The following CPA3 variants were observed in gnomAD, a reference collection of about 807,000 sequenced individuals.
CPA3 encodes the protein mast cell carboxypeptidase A.
Under a neutral mutation model 55.8 loss-of-function variants are expected in CPA3, and 52 were observed. That is an observed-to-expected ratio of 0.93 (90% CI 0.75 to 1.17). CPA3 has a LOEUF of 1.17. CPA3 is among the 50% of genes most tolerant of loss of function. The pLI, the probability that CPA3 is intolerant of heterozygous loss-of-function variation, is 0.00. For missense variants in CPA3, 547 were observed against 509.1 expected (o/e 1.07, Z -0.72); for synonymous variants, 179 against 171.2 (o/e 1.05, Z -0.36).
chr3:148,896,834 C>T lies in CPA3; in HGVS notation c.*127C>T, dbSNP rs866685772. On this transcript the variant is annotated 3_prime_UTR_variant, in exon 11 of 11. Coordinates refer to ENST00000296046, the MANE Select transcript of CPA3 (RefSeq NM_001870.4). ...GAATCCTTCTCTTGCTCATTTAAGT[C>T]CCATGTTACTGCTGTTTGCTTTTAC... 3 of 766,282 alleles carry T rather than the reference C, an allele frequency of 3.9e-6. No homozygotes were observed. Among genetic ancestry groups the T allele is most frequent in the Non-Finnish European group, 5.9e-6 (3 of 509,616 alleles). The allele number at this position is 766,282 out of a possible 1,614,324, so 47.5% of individuals were successfully genotyped here. A position where few individuals can be genotyped will look rare whatever the true frequency, so the allele number is the denominator to read the frequency against.
chr3:148,890,921 C>G (rs955148188), intron 10 of CPA3, among the ~76,000 whole-genome samples: 2 of 152,154 alleles, frequency 1.3e-5, no homozygotes, highest in African/African-American at 4.8e-5. Flanking sequence ...GTTGAACATA[C>G]TCAGAATATG....
Position 148,878,657 on chromosome 3 carries a change from G to A in CPA3, c.383G>A (p.Trp128Ter). Residue 128 changes from tryptophan to a stop codon, truncating the protein, a stop_gained, in exon 5 of 11, where the codon TGG (tryptophan) becomes TAG (stop). Coordinates refer to ENST00000296046, the MANE Select transcript of CPA3 (RefSeq NM_001870.4). LOFTEE classifies it high-confidence loss of function. ...KYNNWEKIVA[W>*]TEKMMDKYPE... ...GATTTTGCTCTTAAGATTGTGGCTTGGACTGAAAAGATGATGGATAAGTAT... is the reference window on the plus strand; with the variant it reads ...GATTTTGCTCTTAAGATTGTGGCTTAGACTGAAAAGATGATGGATAAGTAT... 1 of 1,608,300 alleles carries A rather than the reference G, an allele frequency of 6.2e-7. No homozygotes were observed. The highest frequency in any genetic ancestry group is 8.5e-7 in the Non-Finnish European group (1 of 1,176,952).
Position 148,886,081 on chromosome 3 carries a change from C to T in CPA3, c.982-12C>T. On this transcript the variant is annotated splice_polypyrimidine_tract_variant and intron_variant, in intron 9 of 10. Transcript: ENST00000296046. ...ATCCTATTATTTCACTCTAACTTTC[C>T]TTTCTCTCCAGGCCAAAGTTGCAAA... 6.2e-7 allele frequency: 1 copy of T among 1,602,238 alleles called. No homozygotes were observed. The highest frequency in any genetic ancestry group is 8.5e-7 in the Non-Finnish European group (1 of 1,170,244).
intron 3 of CPA3, among the ~76,000 whole-genome samples, chr3:148,871,975 C>G (rs1714079205): frequency 6.6e-6 from 1 of 152,148 alleles, no homozygotes; most frequent in African/African-American, 2.4e-5. Context: ...ACCCAGGCAC[C>G]AGGCTGAATT....
chr3:148,876,502 G>A (rs766622627), intron 3 of CPA3, among the ~76,000 whole-genome samples: 22 of 151,638 alleles, frequency 1.5e-4, no homozygotes, highest in African/African-American at 4.8e-4. Flanking sequence ...TCAGTCACCC[G>A]AGTAGCTGAG....
chr3:148,867,977 C>G (rs977848539), intron 2 of CPA3, among the ~76,000 whole-genome samples: 1 of 152,170 alleles, frequency 6.6e-6, no homozygotes, highest in Non-Finnish European at 1.5e-5. Flanking sequence ...CTCACTGCAA[C>G]CTCCACCTCC....
chr3:148,884,712 G>A (rs3772577), intron 9 of CPA3, among the ~76,000 whole-genome samples: 84,958 of 151,920 alleles, frequency 0.56, 24,058 homozygotes, highest in Middle Eastern at 0.61. Flanking sequence ...CAACAAAGAA[G>A]ACATACCAGC....
At chr3:148,872,312 TA>T (rs1363860695) in intron 3 of CPA3, among the ~76,000 whole-genome samples, 1 of 152,226 alleles carries the variant, frequency 6.6e-6, no homozygotes, top group Non-Finnish European at 1.5e-5. Context: ...ACTCAGCAGT[TA>T]AAAATCCTAG....
At chr3:148,888,873 G>A (rs1035856541) in intron 10 of CPA3, among the ~76,000 whole-genome samples, 2 of 152,162 alleles carry the variant, frequency 1.3e-5, no homozygotes, top group Admixed American at 6.5e-5. Context: ...GCACTTTGGA[G>A]CTTTCAGAGA....
At chr3:148,884,000 A>G (rs984697361) in intron 9 of CPA3, among the ~76,000 whole-genome samples, 185 bp downstream of exon 9, 80 of 152,222 alleles carry the variant, frequency 5.3e-4, no homozygotes, top group African/African-American at 1.8e-3. Flanking sequence ...AAGTATATAG[A>G]TAATAAATTC....
At chr3:148,885,412 T>C (rs959725303) in intron 9 of CPA3, among the ~76,000 whole-genome samples, 7 of 143,638 alleles carry the variant, frequency 4.9e-5, no homozygotes, top group Non-Finnish European at 1.1e-4. Context: ...AAGTCTTTTT[T>C]TTTTTTTTTT....
rs1488598942 is a variant in CPA3 at position 148,896,476 on chromosome 3, T to C, written c.1067-44T>C. 9 of 1,435,108 alleles carry C rather than the reference T, an allele frequency of 6.3e-6. No individual in the cohort carries two copies. In the African/African-American group the frequency reaches 1.1e-4, roughly 18 times the overall value. The allele number at this position is 1,435,108 out of a possible 1,614,324, so 88.9% of individuals were successfully genotyped here. ...ACTGATTTCCACTTTAAAAAAACAT[T>C]AGCATTTGTCTCTAATTAAATATTT... On this transcript the variant is annotated intron_variant, in intron 10 of 10. Coordinates refer to ENST00000296046, the MANE Select transcript of CPA3 (RefSeq NM_001870.4).
intron 3 of CPA3, among the ~76,000 whole-genome samples, chr3:148,873,083 C>A (rs532627467): frequency 1.8e-4 from 26 of 144,754 alleles, no homozygotes; most frequent in Non-Finnish European, 3.7e-4. Flanking sequence ...CAGGGAATAA[C>A]TAGAGGCTAT....
intron 10 of CPA3, among the ~76,000 whole-genome samples, chr3:148,890,748 G>C (rs1714644485): frequency 6.6e-6 from 1 of 152,128 alleles, no homozygotes; most frequent in African/African-American, 2.4e-5. Flanking sequence ...TATCAAGTAA[G>C]CAATAAATGC....
intron 2 of CPA3, among the ~76,000 whole-genome samples, chr3:148,868,228 G>A (rs1713960462): frequency 6.6e-6 from 1 of 151,846 alleles, no homozygotes; most frequent in Admixed American, 6.6e-5. Flanking sequence ...ATACTTCTGA[G>A]CTCATATACC....
intron 8 of CPA3, 21 bp from the exon 9 acceptor site, chr3:148,883,592 A>G (rs1244816651): frequency 1.9e-6 from 3 of 1,601,014 alleles, no homozygotes; most frequent in Non-Finnish European, 2.6e-6. Flanking sequence ...CTGTGGTCTC[A>G]TCCACCTATG....
At chr3:148,872,640 C>T (rs538408847) in intron 3 of CPA3, among the ~76,000 whole-genome samples, 2 of 152,286 alleles carry the variant, frequency 1.3e-5, no homozygotes, top group South Asian at 4.1e-4. Context: ...ACAGTCCTAT[C>T]CAGTGTTTCA....
intron 10 of CPA3, among the ~76,000 whole-genome samples, chr3:148,894,160 G>A (rs914321087): frequency 1.3e-5 from 2 of 152,140 alleles, no homozygotes; most frequent in Non-Finnish European, 2.9e-5. Flanking sequence ...ATCAAAAATT[G>A]TAAGTCTGTT....
intron 10 of CPA3, among the ~76,000 whole-genome samples, chr3:148,895,814 A>C (rs927020224): frequency 6.6e-6 from 1 of 151,850 alleles, no homozygotes; most frequent in Admixed American, 6.6e-5. Flanking sequence ...TACAAAAAAA[A>C]CCTTTTATAT....
Sources: gnomAD v4.1 joint callset for allele counts (sites outside exome capture counted in the v4.1 genomes callset) on GRCh38, gnomAD v4.1.1 for gene constraint, MANE v1.5 for transcripts, NCBI Gene and HGNC (gene_info 2026-07-23, HGNC 2026-07-21) for gene names.